The following GPR176 variants were observed in gnomAD, a reference collection of about 807,000 sequenced individuals.
The protein encoded by GPR176 is G-protein coupled receptor 176.
A neutral mutation model predicts 35.4 loss-of-function variants in GPR176; 26 were observed. That is an observed-to-expected ratio of 0.74 (90% CI 0.54 to 1.02). The LOEUF (loss-of-function observed/expected upper bound fraction) is 1.02, where lower values mean the gene tolerates loss of function less well. Among genes scored for constraint, GPR176 ranks in the 50% least tolerant of loss-of-function variants. GPR176 has a pLI of 0.00. For synonymous variants in GPR176, 278 were observed against 271.3 expected (o/e 1.02, Z -0.24); for missense variants, 597 against 665.3 (o/e 0.90, Z 1.13).
intron 1 of GPR176, among the ~76,000 whole-genome samples, chr15:39,819,045 T>C (rs908496350): frequency 6.6e-6 from 1 of 152,212 alleles, no homozygotes; most frequent in Non-Finnish European, 1.5e-5. Context: ...AACCCTTTAA[T>C]AGCAACAGGT....
chr15:39,906,770 C>T (rs1358577085), intron 1 of GPR176, among the ~76,000 whole-genome samples: 2 of 152,190 alleles, frequency 1.3e-5, no homozygotes, highest in Non-Finnish European at 2.9e-5. Flanking sequence ...TTTATTTTCA[C>T]AAGGCCCCTA....
At chr15:39,873,005 A>G (rs944133804) in intron 1 of GPR176, among the ~76,000 whole-genome samples, 5 of 151,914 alleles carry the variant, frequency 3.3e-5, no homozygotes, top group Non-Finnish European at 7.4e-5. Flanking sequence ...TGCTTTAAGA[A>G]AATAACTTTG....
intron 1 of GPR176, among the ~76,000 whole-genome samples, chr15:39,880,817 T>C (rs2032444934): frequency 6.6e-6 from 1 of 152,192 alleles, no homozygotes; most frequent in Non-Finnish European, 1.5e-5. Flanking sequence ...TTTAACCCTG[T>C]TGCCATGCCC....
At chr15:39,806,841 TG>T (rs1280290831) in intron 2 of GPR176, among the ~76,000 whole-genome samples, 164 bp downstream of exon 2, 1 of 152,210 alleles carries the variant, frequency 6.6e-6, no homozygotes, top group African/African-American at 2.4e-5. Flanking sequence ...TAAATCCACC[TG>T]TCCTTTGTGA....
At chr15:39,851,087 G>A (rs1340211446) in intron 1 of GPR176, among the ~76,000 whole-genome samples, 1 of 152,180 alleles carries the variant, frequency 6.6e-6, no homozygotes, top group Non-Finnish European at 1.5e-5. Context: ...TTGAACAACT[G>A]TCAGACAGAT....
In GPR176 at chr15:39,849,134, G is replaced by A. The variant is rs188727084; in HGVS notation, c.173-41876C>T. On this transcript the variant is annotated intron_variant, in intron 1 of 2. Coordinates refer to ENST00000561100, the MANE Select transcript of GPR176 (RefSeq NM_007223.3). ...AGGCTACTAGTATCAGAAACAAAAC[G>A]GGATAGCTATATGGATCCTGCAGAC... Among the ~76,000 whole-genome samples the A allele has an allele frequency of 1.7e-3, 264 of 152,102 alleles. 3 individuals are homozygous for A. The South Asian group carries it at 0.017, about 10-fold the overall frequency.
At chr15:39,855,040 G>A (rs1210792406) in intron 1 of GPR176, among the ~76,000 whole-genome samples, 2 of 142,572 alleles carry the variant, frequency 1.4e-5, no homozygotes, top group Non-Finnish European at 3.0e-5. Context: ...AACAGAGTGA[G>A]ACCCTGTCTC....
intron 1 of GPR176, among the ~76,000 whole-genome samples, chr15:39,880,867 C>G (rs147534366): frequency 6.6e-6 from 1 of 152,320 alleles, no homozygotes; most frequent in Non-Finnish European, 1.5e-5. Flanking sequence ...GAAATCACGA[C>G]AGCCTCATAA....
chr15:39,914,717 T>C (rs2033681629), intron 1 of GPR176, among the ~76,000 whole-genome samples: 1 of 152,224 alleles, frequency 6.6e-6, no homozygotes, highest in Non-Finnish European at 1.5e-5. Context: ...TGGCTGTAAG[T>C]ATTGTTAACT....
At chr15:39,864,172 T>G (rs1275394885) in intron 1 of GPR176, among the ~76,000 whole-genome samples, 1 of 152,184 alleles carries the variant, frequency 6.6e-6, no homozygotes, top group African/African-American at 2.4e-5. Context: ...TCTTACCACT[T>G]GGTACTCAGA....
chr15:39,919,844 G>C lies in GPR176; in HGVS notation c.172+11C>G. ...GAGGCCCGGTCCGGAGGCGCCCCGCGGGAGGCTTACCGAGCAGCGAGCCTA... is the reference window on the plus strand; with the variant it reads ...GAGGCCCGGTCCGGAGGCGCCCCGCCGGAGGCTTACCGAGCAGCGAGCCTA... On this transcript the variant is annotated intron_variant, in intron 1 of 2. Transcript: ENST00000561100. 1 of 1,394,906 alleles carries C rather than the reference G, an allele frequency of 7.2e-7. No homozygotes were observed. The highest frequency in any genetic ancestry group is 9.4e-7 in the Non-Finnish European group (1 of 1,068,918). The allele number at this position is 1,394,906 out of a possible 1,614,324, so 86.4% of individuals were successfully genotyped here.
Position 39,838,339 on chromosome 15 carries a change from C to A in GPR176, c.173-31081G>T, listed in dbSNP as rs772530412. On this transcript the variant is annotated intron_variant, in intron 1 of 2. Transcript: ENST00000561100. ...ACTTAAAACATTCCATTGTATTTTG[C>A]TGCTCAGCCTTCATCTTACTATTGT... 2.1e-4 allele frequency among the ~76,000 whole-genome samples: 32 copies of A among 152,088 alleles called. 1 individual carries two copies. The highest frequency in any genetic ancestry group is 4.4e-4 in the Non-Finnish European group (30 of 67,990).
intron 1 of GPR176, among the ~76,000 whole-genome samples, chr15:39,852,808 T>C (rs1304712607): frequency 6.6e-6 from 1 of 152,186 alleles, no homozygotes. Context: ...CTTACCATTA[T>C]ATCCACAATG....
chr15:39,835,456 A>G (rs1161479380), intron 1 of GPR176, among the ~76,000 whole-genome samples: 17 of 152,176 alleles, frequency 1.1e-4, no homozygotes, highest in Non-Finnish European at 1.5e-5. Flanking sequence ...AAGACAAAGA[A>G]GTTTTTCTGT....
chr15:39,815,890 A>G (rs1899867522), intron 1 of GPR176, among the ~76,000 whole-genome samples: 1 of 152,236 alleles, frequency 6.6e-6, no homozygotes, highest in Non-Finnish European at 1.5e-5. Context: ...AAGATGTGGA[A>G]TCAACCTGTG....
At chr15:39,843,786 G>A (rs529566637) in intron 1 of GPR176, among the ~76,000 whole-genome samples, 39 of 152,242 alleles carry the variant, frequency 2.6e-4, no homozygotes, top group Non-Finnish European at 4.1e-4. Flanking sequence ...TAAAGATCTC[G>A]TGGGAATTTA....
At chr15:39,841,859 T>C (rs2030017370) in intron 1 of GPR176, among the ~76,000 whole-genome samples, 1 of 152,116 alleles carries the variant, frequency 6.6e-6, no homozygotes, top group African/African-American at 2.4e-5. Flanking sequence ...GGCAGACATA[T>C]TACAATGGCT....
chr15:39,805,422 A>T (rs676437), intron 2 of GPR176, among the ~76,000 whole-genome samples: 6,827 of 152,246 alleles, frequency 0.045, 388 homozygotes, highest in African/African-American at 0.13. Context: ...AAAAAAAAAA[A>T]TAATTGCCAA....
At chr15:39,894,436 C>G (rs1281158301) in intron 1 of GPR176, 1 of 161,638 alleles carries the variant, frequency 6.2e-6, no homozygotes, top group African/African-American at 2.4e-5. Flanking sequence ...GGGCGGCTGC[C>G]GGGCGGAGGG....
Sources: allele counts gnomAD v4.1 joint callset (sites outside exome capture counted in the v4.1 genomes callset), GRCh38; gene constraint gnomAD v4.1.1; transcripts MANE v1.5; gene names NCBI Gene and HGNC (gene_info 2026-07-23, HGNC 2026-07-21).